Variants in PTPRK observed in about 807,000 individuals in gnomAD.
The protein encoded by PTPRK is receptor-type tyrosine-protein phosphatase kappa.
PTPRK carries 75 observed loss-of-function variants against 178.0 expected under a neutral mutation model. The ratio of observed to expected loss-of-function variants is 0.42; its 90% CI spans 0.35 to 0.51. The LOEUF is 0.51. PTPRK is among the 20% of genes least tolerant of loss of function. PTPRK has a pLI of 0.02. For missense variants in PTPRK, 1,441 were observed against 1,797.8 expected, an observed-to-expected ratio of 0.80 and a Z score of 3.59; for synonymous variants, 637 against 620.6, an observed-to-expected ratio of 1.03 and a Z score of -0.39.
intron 13 of PTPRK, among the ~76,000 whole-genome samples, chr6:128,053,310 T>C (rs1370769248): frequency 6.6e-6 from 1 of 152,046 alleles, no homozygotes; most frequent in Non-Finnish European, 1.5e-5. Flanking sequence ...CCTCACTCCA[T>C]GCAGACTCAG....
At chr6:128,386,493 A>G (rs1838753337) in intron 2 of PTPRK, among the ~76,000 whole-genome samples, 1 of 152,186 alleles carries the variant, frequency 6.6e-6, no homozygotes, top group African/African-American at 2.4e-5. Flanking sequence ...AAGAGGAAGG[A>G]ATTCACCCAC....
Position 128,005,263 on chromosome 6 carries a change from A to C in PTPRK, c.2334-19T>G. On this transcript the variant is annotated intron_variant, in intron 14 of 29. Coordinates refer to ENST00000368226, the MANE Select transcript of PTPRK (RefSeq NM_002844.4). ...AAGTTTGCTGCCAAGGCAAATACAA[A>C]AGGGCATCCTTAGTGTTTGAGGCTT... The C allele has an allele frequency of 6.2e-7, 1 of 1,610,024 alleles. No homozygotes were observed. The highest frequency in any genetic ancestry group is 8.5e-7 in the Non-Finnish European group (1 of 1,177,578).
At position 128,299,273 on chromosome 6, in the gene PTPRK, A is replaced by T. The variant is rs569722269; in HGVS notation, c.495+22766T>A. Among the ~76,000 whole-genome samples the T allele has an allele frequency of 2.8e-3, 428 of 151,066 alleles. 2 individuals carry two copies. Among genetic ancestry groups the T allele is most frequent in the African/African-American group, 9.7e-3 (398 of 41,076 alleles). ...ATGCTCATGGGTAGGAAGAATCAAT[A>T]TCATGAAAATGGCCATACTGCCCAA... On this transcript the variant is annotated intron_variant, in intron 3 of 29. Transcript: ENST00000368226.
intron 1 of PTPRK, among the ~76,000 whole-genome samples, chr6:128,434,075 T>C (rs1418434876): frequency 6.6e-6 from 1 of 151,756 alleles, no homozygotes; most frequent in African/African-American, 2.4e-5. Context: ...CAAACCCATC[T>C]TGATTCCATT....
chr6:128,453,167 T>C (rs1428863155), intron 1 of PTPRK, among the ~76,000 whole-genome samples: 1 of 152,204 alleles, frequency 6.6e-6, no homozygotes, highest in Non-Finnish European at 1.5e-5. Context: ...CATTTTCCCA[T>C]GGCAGAATCT....
At position 128,205,274 on chromosome 6, in the gene PTPRK, G is replaced by A. The variant is rs533339145; in HGVS notation, c.868+13648C>T. ...TGGGGCCTGTTGGATGGAAGTATGC[G>A]GGGGAGGGAGAGCATCAGGAAGAGC... is the stretch of plus-strand genomic sequence containing the variant. On this transcript the variant is annotated intron_variant, in intron 6 of 29. Coordinates refer to ENST00000368226, the MANE Select transcript of PTPRK (RefSeq NM_002844.4). Among the ~76,000 whole-genome samples the A allele has an allele frequency of 1.9e-3, 290 of 152,182 alleles. 1 individual carries two copies. The highest frequency in any genetic ancestry group is 5.9e-3 in the African/African-American group (247 of 41,520).
chr6:128,428,041 C>T (rs1447572590), intron 1 of PTPRK, among the ~76,000 whole-genome samples: 2 of 151,850 alleles, frequency 1.3e-5, no homozygotes, highest in Non-Finnish European at 2.9e-5. Flanking sequence ...TGCAGTGAGC[C>T]GAGATCACGC....
chr6:128,381,614 C>G (rs1248985232), intron 2 of PTPRK, among the ~76,000 whole-genome samples: 3 of 152,072 alleles, frequency 2.0e-5, no homozygotes, highest in Non-Finnish European at 4.4e-5. Flanking sequence ...TCAGCTACAT[C>G]CCAGATACTA....
At chr6:128,018,143 G>A (rs1270834524) in intron 13 of PTPRK, among the ~76,000 whole-genome samples, 1 of 151,712 alleles carries the variant, frequency 6.6e-6, no homozygotes, top group African/African-American at 2.4e-5. Flanking sequence ...CGAATCAAGG[G>A]CAAAGATATA....
chr6:128,416,352 G>A (rs143657610), intron 1 of PTPRK, among the ~76,000 whole-genome samples: 1 of 151,864 alleles, frequency 6.6e-6, no homozygotes, highest in African/African-American at 2.4e-5. Context: ...GATAAGAACT[G>A]GAGAGGTGGC....
At chr6:128,197,953 C>A (rs1805206020) in intron 6 of PTPRK, among the ~76,000 whole-genome samples, 1 of 152,022 alleles carries the variant, frequency 6.6e-6, no homozygotes, top group African/African-American at 2.4e-5. Flanking sequence ...CTAGGTGCCA[C>A]CATTTCCAAT....
At position 128,369,136 on chromosome 6, in the gene PTPRK, A is replaced by AG. The variant is rs1364024652; in HGVS notation, c.223+28429dup. On this transcript the variant is annotated intron_variant, in intron 2 of 29. Transcript: ENST00000368226. The stretch of plus-strand genomic sequence containing the variant: ...TATTACACATTTTACCAAGGGAAAG[A>AG]GGTTATTTCCCCATTACTGTCCCAC... 2.9e-3 allele frequency among the ~76,000 whole-genome samples: 5 copies of AG among 1,704 alleles called. No homozygotes were observed. The Admixed American group carries it at 0.06, about 20-fold the overall frequency. The allele number at this position is 1,704 out of a possible 152,430, so 1.1% of individuals were successfully genotyped here.
chr6:128,243,530 A>G (rs1276531184), intron 3 of PTPRK, among the ~76,000 whole-genome samples: 1 of 151,220 alleles, frequency 6.6e-6, no homozygotes, highest in Non-Finnish European at 1.5e-5. Flanking sequence ...AAAAGAAAAG[A>G]AAAAGATTAG....
chr6:128,022,133 G>A (rs1323416700), intron 13 of PTPRK, among the ~76,000 whole-genome samples: 1 of 152,190 alleles, frequency 6.6e-6, no homozygotes, highest in Non-Finnish European at 1.5e-5. Context: ...GTTTTACAAT[G>A]TAAATGCAAA....
chr6:128,261,744 C>A (rs753715276), intron 3 of PTPRK, among the ~76,000 whole-genome samples: 1 of 152,242 alleles, frequency 6.6e-6, no homozygotes, highest in Middle Eastern at 3.4e-3. Flanking sequence ...TAGTGACTAG[C>A]TCATTGAACA....
chr6:128,192,598 T>C (rs1176889156), intron 6 of PTPRK, among the ~76,000 whole-genome samples: 1 of 151,900 alleles, frequency 6.6e-6, no homozygotes, highest in Non-Finnish European at 1.5e-5. Context: ...GGAAGGCAAA[T>C]CGCTCGAGCC....
chr6:127,995,187 C>T, intron 18 of PTPRK: 1 of 1,451,784 alleles, frequency 6.9e-7, no homozygotes, highest in Non-Finnish European at 9.5e-7. Context: ...TTAGTAATAA[C>T]TGTAATTAAG....
chr6:128,456,954 A>T (rs368070580), intron 1 of PTPRK, among the ~76,000 whole-genome samples: 12 of 152,146 alleles, frequency 7.9e-5, no homozygotes, highest in Admixed American at 7.9e-4. Context: ...TTATGTTTCA[A>T]TAACAGCTCC....
At chr6:128,505,973 T>G (rs1297607123) in intron 1 of PTPRK, among the ~76,000 whole-genome samples, 1 of 152,118 alleles carries the variant, frequency 6.6e-6, no homozygotes, top group African/African-American at 2.4e-5. Context: ...TTTTGTGAAC[T>G]AAGGAAAATT....
Sources: allele counts gnomAD v4.1 joint callset (sites outside exome capture counted in the v4.1 genomes callset), GRCh38; gene constraint gnomAD v4.1.1; transcripts MANE v1.5; gene names NCBI Gene and HGNC (gene_info 2026-07-23, HGNC 2026-07-21).